Variants in AUTS2 observed in about 807,000 individuals in gnomAD.
The protein encoded by AUTS2 is activator of transcription and developmental regulator AUTS2.
Under a neutral mutation model 112.4 loss-of-function variants are expected in AUTS2, and 17 were observed. That is an observed-to-expected ratio of 0.15 (90% confidence interval 0.10 to 0.23). The LOEUF is 0.23. Ranked by LOEUF, AUTS2 falls within the 10% of genes least tolerant of loss-of-function variation. AUTS2 has a pLI of 1.00. For missense variants in AUTS2, 1,510 were observed against 1,701.6 expected, an observed-to-expected ratio of 0.89 and a Z score of 1.98; for synonymous variants, 751 against 702.7, an observed-to-expected ratio of 1.07 and a Z score of -1.09.
intron 1 of AUTS2, among the ~76,000 whole-genome samples, chr7:69,805,595 T>C (rs1790266814): frequency 1.3e-5 from 2 of 152,124 alleles, no homozygotes; most frequent in Non-Finnish European, 2.9e-5. Flanking sequence ...ACAGGGAAAA[T>C]GCAAATTCTT....
At chr7:69,631,078 G>A (rs180974333) in intron 1 of AUTS2, among the ~76,000 whole-genome samples, 29 of 152,234 alleles carry the variant, frequency 1.9e-4, no homozygotes, top group African/African-American at 6.3e-4. Context: ...TGCCCCATGG[G>A]GTTCACAGGT....
At chr7:69,932,962 C>T (rs1796278790) in intron 2 of AUTS2, among the ~76,000 whole-genome samples, 1 of 152,152 alleles carries the variant, frequency 6.6e-6, no homozygotes, top group African/African-American at 2.4e-5. Flanking sequence ...AGAAGAATTT[C>T]TGGACACATT....
intron 1 of AUTS2, among the ~76,000 whole-genome samples, chr7:69,810,737 T>C (rs1317083568): frequency 2.0e-5 from 3 of 152,192 alleles, no homozygotes; most frequent in Admixed American, 6.5e-5. Flanking sequence ...AATGGTAGAC[T>C]AGGATTCGGA....
intron 5 of AUTS2, among the ~76,000 whole-genome samples, chr7:70,647,380 C>T (rs1338550017): frequency 6.6e-6 from 1 of 152,204 alleles, no homozygotes; most frequent in Non-Finnish European, 1.5e-5. Context: ...CTGAATGTGC[C>T]TGGACAAGAT....
chr7:70,505,689 G>A lies in AUTS2; in HGVS notation c.690+69908G>A, dbSNP rs140118615. Among the ~76,000 whole-genome samples the A allele has an allele frequency of 3.1e-3, 476 of 152,284 alleles. 1 individual carries two copies. Among genetic ancestry groups the A allele is most frequent in the South Asian group, 0.011 (53 of 4,822 alleles). Reference sequence around the variant, plus strand: ...GGTTATACCCAGGCTAAGTCCAGCCGTTGTCCTAAGGAGGGAGCAGGCCAC... The same window carrying A: ...GGTTATACCCAGGCTAAGTCCAGCCATTGTCCTAAGGAGGGAGCAGGCCAC... On this transcript the variant is annotated intron_variant, in intron 5 of 18. Transcript: ENST00000342771.
intron 4 of AUTS2, among the ~76,000 whole-genome samples, chr7:70,399,598 GTTTATC>G (rs1354917436): frequency 6.6e-6 from 1 of 152,056 alleles, no homozygotes; most frequent in Non-Finnish European, 1.5e-5. Flanking sequence ...GTGGATAGCA[GTTTATC>G]TTTAAGTTTC....
intron 4 of AUTS2, among the ~76,000 whole-genome samples, chr7:70,296,658 CTG>C (rs1272612266): frequency 6.6e-6 from 1 of 152,020 alleles, no homozygotes; most frequent in African/African-American, 2.4e-5. Flanking sequence ...ACTTTATTTT[CTG>C]TGTTTAGGTT....
chr7:70,057,016 C>G (rs1472241804), intron 2 of AUTS2, among the ~76,000 whole-genome samples: 1 of 152,148 alleles, frequency 6.6e-6, no homozygotes, highest in Non-Finnish European at 1.5e-5. Flanking sequence ...AAGGCTCGTT[C>G]CTGTTTCAAA....
intron 2 of AUTS2, among the ~76,000 whole-genome samples, chr7:70,047,118 G>A (rs964851122): frequency 2.6e-5 from 4 of 152,170 alleles, no homozygotes; most frequent in Admixed American, 6.5e-5. Context: ...GTGATGGGAT[G>A]TCTAGATGAA....
intron 1 of AUTS2, among the ~76,000 whole-genome samples, chr7:69,874,110 G>T (rs1793622066): frequency 6.6e-6 from 1 of 152,154 alleles, no homozygotes; most frequent in Admixed American, 6.6e-5. Flanking sequence ...GAGACTTAGA[G>T]GCTGGACACA....
chr7:70,045,595 A>ATAT (rs1392712581), intron 2 of AUTS2, among the ~76,000 whole-genome samples: 1 of 150,486 alleles, frequency 6.6e-6, no homozygotes, highest in African/African-American at 2.4e-5. Flanking sequence ...TTATTTTATT[A>ATAT]TATTATATTT....
At chr7:70,363,616 T>C (rs934675208) in intron 4 of AUTS2, among the ~76,000 whole-genome samples, 6 of 152,180 alleles carry the variant, frequency 3.9e-5, no homozygotes, top group Non-Finnish European at 8.8e-5. Flanking sequence ...TGTTTATTTT[T>C]ATCCCATAAC....
chr7:69,614,376 G>GCTTTTCTTTCTTTTCTTTCTTTCTTTCT, intron 1 of AUTS2, among the ~76,000 whole-genome samples: 1 of 64,190 alleles, frequency 1.6e-5, no homozygotes, highest in East Asian at 4.8e-4. Flanking sequence ...TTTTTTAAGA[G>GCTTTTCTTTCTTTTCTTTCTTTCTTTCT]ATGGGATCTC....
chr7:70,325,090 T>G (rs1790425452), intron 4 of AUTS2, among the ~76,000 whole-genome samples: 2 of 152,094 alleles, frequency 1.3e-5, no homozygotes, highest in South Asian at 2.1e-4. Flanking sequence ...AAGGGACTTT[T>G]GGGGATGAAA....
intron 5 of AUTS2, among the ~76,000 whole-genome samples, chr7:70,508,698 C>T (rs985707754): frequency 6.6e-6 from 1 of 152,182 alleles, no homozygotes; most frequent in Non-Finnish European, 1.5e-5. Flanking sequence ...GCAATCTTGC[C>T]TGTGATATCC....
At chr7:70,085,635 G>A (rs955423092) in intron 2 of AUTS2, among the ~76,000 whole-genome samples, 4 of 152,250 alleles carry the variant, frequency 2.6e-5, no homozygotes, top group African/African-American at 9.6e-5. Context: ...CCAAAGAGCT[G>A]GGATTACAGG....
At chr7:70,639,574 AC>A (rs1805702845) in intron 5 of AUTS2, among the ~76,000 whole-genome samples, 1 of 136,594 alleles carries the variant, frequency 7.3e-6, no homozygotes, top group African/African-American at 2.8e-5. Flanking sequence ...CTATGATTAC[AC>A]CACCGCACTC....
chr7:70,514,667 T>G (rs1352987813), intron 5 of AUTS2, among the ~76,000 whole-genome samples: 1 of 152,128 alleles, frequency 6.6e-6, no homozygotes, highest in Non-Finnish European at 1.5e-5. Flanking sequence ...GGACAGAACA[T>G]CCAAAGCGTA....
intron 2 of AUTS2, among the ~76,000 whole-genome samples, chr7:70,002,405 A>T (rs907485117): frequency 6.6e-6 from 1 of 152,190 alleles, no homozygotes; most frequent in Non-Finnish European, 1.5e-5. Flanking sequence ...AGATTATCAT[A>T]AATAATCTAT....
Sources: allele counts gnomAD v4.1 joint callset (sites outside exome capture counted in the v4.1 genomes callset), GRCh38; gene constraint gnomAD v4.1.1; transcripts MANE v1.5; gene names NCBI Gene and HGNC (gene_info 2026-07-23, HGNC 2026-07-21).